Variants in SYT9 observed in about 807,000 individuals in gnomAD.
SYT9 encodes the protein synaptotagmin 9.
Under a neutral mutation model 48.4 loss-of-function variants are expected in SYT9, and 22 were observed. That is an observed-to-expected ratio of 0.45 (90% CI 0.32 to 0.65). SYT9 has a LOEUF of 0.65. Among genes scored for constraint, SYT9 ranks in the 30% least tolerant of loss-of-function variants. The pLI is 0.03. For missense variants in SYT9, 577 were observed against 622.0 expected, an observed-to-expected ratio of 0.93 and a Z score of 0.77; for synonymous variants, 265 against 245.0, an observed-to-expected ratio of 1.08 and a Z score of -0.76.
intron 1 of SYT9, among the ~76,000 whole-genome samples, chr11:7,255,153 G>A (rs1240039394): frequency 6.6e-6 from 1 of 152,186 alleles, no homozygotes; most frequent in Non-Finnish European, 1.5e-5. Context: ...TTGCCTTTAT[G>A]GTGTTTTATA....
In SYT9 at chr11:7,284,743, T is replaced by C. The variant is rs536219045; in HGVS notation, c.146-18296T>C. Reference sequence around the variant, plus strand: ...AAGATGTCTTTCATTCTGGGAAATGTTATTTTTTTTGCCAATTTCTTCCCC... The same window carrying C: ...AAGATGTCTTTCATTCTGGGAAATGCTATTTTTTTTGCCAATTTCTTCCCC... On this transcript the variant is annotated intron_variant, in intron 1 of 6. Transcript: ENST00000318881. 2.0e-5 allele frequency among the ~76,000 whole-genome samples: 3 copies of C among 152,312 alleles called. No homozygotes were observed. In the East Asian group the frequency reaches 5.8e-4, roughly 29 times the overall value.
At chr11:7,460,186 A>G (rs555399231) in intron 6 of SYT9, among the ~76,000 whole-genome samples, 2 of 152,346 alleles carry the variant, frequency 1.3e-5, no homozygotes, top group Admixed American at 1.3e-4. Context: ...TGTTATAATG[A>G]TTATAGATCT....
chr11:7,424,348 C>T (rs1303070390), intron 6 of SYT9, among the ~76,000 whole-genome samples: 3 of 152,164 alleles, frequency 2.0e-5, no homozygotes, highest in East Asian at 1.9e-4. Context: ...GCTTAGGAAT[C>T]GGAGCACCCC....
At chr11:7,406,900 A>G (rs746793528) in intron 3 of SYT9, among the ~76,000 whole-genome samples, 46 of 152,284 alleles carry the variant, frequency 3.0e-4, no homozygotes, top group South Asian at 8.3e-4. Context: ...CTGGGATAAG[A>G]TGATATCTCA....
intron 3 of SYT9, among the ~76,000 whole-genome samples, chr11:7,383,878 T>A (rs942183851): frequency 6.6e-6 from 1 of 152,202 alleles, no homozygotes; most frequent in Non-Finnish European, 1.5e-5. Context: ...ACAAGTGAAG[T>A]CATCTTTTGG....
At chr11:7,261,069 G>A (rs1848069486) in intron 1 of SYT9, among the ~76,000 whole-genome samples, 1 of 152,184 alleles carries the variant, frequency 6.6e-6, no homozygotes, top group Non-Finnish European at 1.5e-5. Flanking sequence ...GTTCTTTATT[G>A]TGTGTACAGG....
At chr11:7,312,351 T>C (rs2133950971) in intron 2 of SYT9, among the ~76,000 whole-genome samples, 1 of 152,334 alleles carries the variant, frequency 6.6e-6, no homozygotes, top group African/African-American at 2.4e-5. Flanking sequence ...TACCAATCCC[T>C]AAGAGACATC....
At chr11:7,305,855 C>T (rs1849021227) in intron 2 of SYT9, among the ~76,000 whole-genome samples, 1 of 152,140 alleles carries the variant, frequency 6.6e-6, no homozygotes. Flanking sequence ...GTGATTGGCA[C>T]AGTTTCTGTC....
At chr11:7,399,013 C>A (rs186719606) in intron 3 of SYT9, among the ~76,000 whole-genome samples, 1 of 152,086 alleles carries the variant, frequency 6.6e-6, no homozygotes, top group African/African-American at 2.4e-5. Flanking sequence ...ATGTTTTACT[C>A]ATTGTGGTTT....
chr11:7,244,549 C>T (rs1489828955), intron 1 of SYT9, among the ~76,000 whole-genome samples: 4 of 152,106 alleles, frequency 2.6e-5, no homozygotes, highest in African/African-American at 4.8e-5. Flanking sequence ...ACTTCAGGGT[C>T]TAAAGCAAAT....
At chr11:7,315,762 C>T (rs1168999316) in intron 3 of SYT9, among the ~76,000 whole-genome samples, 2 of 152,040 alleles carry the variant, frequency 1.3e-5, no homozygotes, top group African/African-American at 4.8e-5. Flanking sequence ...ACCTTCTGGC[C>T]CTGAGATCAC....
At chr11:7,422,884 G>A (rs1390270502) in intron 6 of SYT9, among the ~76,000 whole-genome samples, 4 of 152,212 alleles carry the variant, frequency 2.6e-5, no homozygotes, top group African/African-American at 9.6e-5. Flanking sequence ...TGGAGAAAAA[G>A]TGTGATATAA....
rs746331977 is a variant in SYT9, at chr11:7,456,054, T to C, written c.1468-10738T>C. Among the ~76,000 whole-genome samples the C allele has an allele frequency of 8.9e-4, 136 of 152,166 alleles. 1 individual carries two copies. Among genetic ancestry groups the C allele is most frequent in the Non-Finnish European group, 1.8e-4 (12 of 68,038 alleles). ...TTGGAATGAAGTACTCCCTTAATAG[T>C]TTGATTGTATTTAGATTGTATTTGA... On this transcript the variant is annotated intron_variant, in intron 6 of 6. Transcript: ENST00000318881.
intron 1 of SYT9, among the ~76,000 whole-genome samples, chr11:7,276,445 G>T (rs549251762): frequency 6.6e-6 from 1 of 152,264 alleles, no homozygotes; most frequent in Non-Finnish European, 1.5e-5. Context: ...AAACTCTTCA[G>T]TGGGCCCATT....
intron 1 of SYT9, among the ~76,000 whole-genome samples, chr11:7,267,940 GAAA>G (rs1379560155): frequency 6.6e-6 from 1 of 151,906 alleles, no homozygotes; most frequent in Admixed American, 6.6e-5. Context: ...GAAAGCACAA[GAAA>G]ATGGCATACA....
intron 6 of SYT9, among the ~76,000 whole-genome samples, chr11:7,422,755 C>A (rs987013973): frequency 6.6e-6 from 1 of 152,020 alleles, no homozygotes; most frequent in Admixed American, 6.5e-5. Context: ...TTTCAGTGAC[C>A]TGGGCAGGGG....
At chr11:7,424,756 C>T (rs1319008807) in intron 6 of SYT9, among the ~76,000 whole-genome samples, 2 of 152,180 alleles carry the variant, frequency 1.3e-5, no homozygotes. Context: ...CTACTCAAGG[C>T]GTGCCCCATT....
Position 7,285,876 on chromosome 11 carries a change from A to T in SYT9, c.146-17163A>T, listed in dbSNP as rs540419741. On this transcript the variant is annotated intron_variant, in intron 1 of 6. Coordinates refer to ENST00000318881, the MANE Select transcript of SYT9 (RefSeq NM_175733.4). ...TTAAAGTTCCAAAATGATCTTATTTAACTCCATATTTCACAGGTCATGCTG... is the reference window on the plus strand; with the variant it reads ...TTAAAGTTCCAAAATGATCTTATTTTACTCCATATTTCACAGGTCATGCTG... 7.5e-4 allele frequency among the ~76,000 whole-genome samples: 115 copies of T among 152,360 alleles called. 1 individual carries two copies. Among genetic ancestry groups the T allele is most frequent in the Admixed American group, 3.1e-3 (48 of 15,304 alleles).
chr11:7,292,322 C>T (rs915586917), intron 1 of SYT9, among the ~76,000 whole-genome samples: 1 of 152,122 alleles, frequency 6.6e-6, no homozygotes. Context: ...AAGATTTGAG[C>T]CAATACAGTA....
Sources: allele counts gnomAD v4.1 joint callset (sites outside exome capture counted in the v4.1 genomes callset), GRCh38; gene constraint gnomAD v4.1.1; transcripts MANE v1.5; gene names NCBI Gene and HGNC (gene_info 2026-07-23, HGNC 2026-07-21).